TULP4: variants seen among roughly 807,000 people sequenced by gnomAD.
The protein encoded by TULP4 is TUB like protein 4.
Under a neutral mutation model 129.0 loss-of-function variants are expected in TULP4, and 16 were observed. That is an observed-to-expected ratio of 0.12 (90% confidence interval 0.08 to 0.19). TULP4 has a LOEUF of 0.19. TULP4 is among the 10% of genes least tolerant of loss of function. TULP4 has a pLI of 1.00. For missense variants in TULP4, 1,842 were observed against 2,059.1 expected (o/e 0.89, Z 2.04); for synonymous variants, 998 against 854.0 (o/e 1.17, Z -2.94).
intron 7 of TULP4, 98 bp from the exon 8 acceptor site, chr6:158,480,954 CAGT>C: frequency 9.7e-7 from 1 of 1,035,482 alleles, no homozygotes; most frequent in Non-Finnish European, 1.4e-6. Context: ...CTGTCTGGAA[CAGT>C]AGCGTTTTTA....
chr6:158,406,359 G>A (rs1463461729), intron 1 of TULP4, among the ~76,000 whole-genome samples: 1 of 151,976 alleles, frequency 6.6e-6, no homozygotes, highest in Non-Finnish European at 1.5e-5. Context: ...ATACACCAAG[G>A]GTATTTAGTT....
chr6:158,423,144 CT>C (rs1778392473), intron 2 of TULP4, among the ~76,000 whole-genome samples: 1 of 150,104 alleles, frequency 6.7e-6, no homozygotes, highest in African/African-American at 2.4e-5. Flanking sequence ...GGAAAGAAAC[CT>C]TCCCAGGACC....
chr6:158,365,977 A>G (rs1464564129), intron 1 of TULP4, among the ~76,000 whole-genome samples: 3 of 122,842 alleles, frequency 2.4e-5, no homozygotes, highest in African/African-American at 9.7e-5. Context: ...ATCTCGGCTC[A>G]CTGCAAGCTG....
chr6:158,489,785 G>C, intron 9 of TULP4, 53 bp downstream of exon 9: 3 of 1,603,500 alleles, frequency 1.9e-6, no homozygotes, highest in Non-Finnish European at 1.7e-6. Flanking sequence ...GAATATGTGT[G>C]TTTGTGCCTG....
intron 1 of TULP4, among the ~76,000 whole-genome samples, chr6:158,399,858 C>T (rs905094783): frequency 1.3e-5 from 2 of 152,174 alleles, no homozygotes; most frequent in African/African-American, 4.8e-5. Context: ...CTTTAGCATT[C>T]ATGTGGATTT....
In TULP4 at chr6:158,390,751, A is replaced by G. The variant is rs190340299; in HGVS notation, c.253-22314A>G. Among the ~76,000 whole-genome samples the G allele has an allele frequency of 3.4e-3, 523 of 152,344 alleles. 3 individuals are homozygous for G. The highest frequency in any genetic ancestry group is 4.4e-3 in the Admixed American group (67 of 15,302). On this transcript the variant is annotated intron_variant, in intron 1 of 13. Transcript: ENST00000367097. ...CATGGAAATTGAAGTCTCAAGAACAAAGAATTTTACTCAATGAACATATTT... is the reference window on the plus strand; with the variant it reads ...CATGGAAATTGAAGTCTCAAGAACAGAGAATTTTACTCAATGAACATATTT...
intron 1 of TULP4, among the ~76,000 whole-genome samples, chr6:158,364,839 C>A (rs1780887877): frequency 6.6e-6 from 1 of 152,126 alleles, no homozygotes; most frequent in African/African-American, 2.4e-5. Context: ...CAGGTTGACG[C>A]CATTCTCCTG....
intron 12 of TULP4, among the ~76,000 whole-genome samples, chr6:158,499,459 A>G (rs547465050): frequency 6.6e-6 from 1 of 152,376 alleles, no homozygotes; most frequent in Admixed American, 6.5e-5. Context: ...TGTGTTTCCC[A>G]GTGGGGGGAT....
intron 1 of TULP4, among the ~76,000 whole-genome samples, chr6:158,306,402 C>G (rs866095517): frequency 6.6e-6 from 1 of 152,268 alleles, no homozygotes; most frequent in African/African-American, 2.4e-5. Flanking sequence ...TCAAAAAGTA[C>G]AAAAAGTTAG....
At chr6:158,279,078 T>TGC (rs142397415), upstream of TULP4, among the ~76,000 whole-genome samples, 1 of 150,010 alleles carries the variant, frequency 6.7e-6, no homozygotes, top group Admixed American at 6.6e-5. Context: ...TAGCTGGGAC[T>TGC]AGGCGCCTGC....
At chr6:158,453,604 C>T (rs185111815) in intron 5 of TULP4, among the ~76,000 whole-genome samples, 232 of 150,396 alleles carry the variant, frequency 1.5e-3, no homozygotes, top group African/African-American at 5.2e-3. Context: ...GCCTGGCCAA[C>T]ATCGTGAAAC....
At chr6:158,431,312 A>C (rs945820511) in intron 3 of TULP4, among the ~76,000 whole-genome samples, 3 of 152,170 alleles carry the variant, frequency 2.0e-5, no homozygotes, top group Non-Finnish European at 4.4e-5. Flanking sequence ...TTAATGATCA[A>C]ATGAAGGAAC....
chr6:158,471,372 T>C (rs977757110), intron 6 of TULP4, among the ~76,000 whole-genome samples: 1 of 152,172 alleles, frequency 6.6e-6, no homozygotes, highest in Non-Finnish European at 1.5e-5. Context: ...AATTAGGAAC[T>C]GGAAAGGTGA....
At chr6:158,466,016 G>T (rs1394115961) in intron 6 of TULP4, among the ~76,000 whole-genome samples, 13 of 152,210 alleles carry the variant, frequency 8.5e-5, no homozygotes, top group Admixed American at 8.5e-4. Flanking sequence ...TGGCCTGTAG[G>T]CATGGCTCAA....
intron 1 of TULP4, among the ~76,000 whole-genome samples, chr6:158,352,798 GA>G (rs1344240238): frequency 1.3e-5 from 2 of 151,944 alleles, no homozygotes; most frequent in African/African-American, 4.8e-5. Context: ...TTAAATATTG[GA>G]AAAAACCTTT....
At chr6:158,257,798 G>C (rs1778276629) in intron 1 of TULP4, among the ~76,000 whole-genome samples, 1 of 152,220 alleles carries the variant, frequency 6.6e-6, no homozygotes, top group African/African-American at 2.4e-5. Flanking sequence ...TACTCTCAAA[G>C]CAGCGGTACG....
intron 1 of TULP4, among the ~76,000 whole-genome samples, chr6:158,360,096 C>T (rs2114831910): frequency 6.7e-6 from 1 of 149,498 alleles, no homozygotes; most frequent in South Asian, 2.1e-4. Flanking sequence ...TTTTATGCCT[C>T]CAAAAAAAAA....
At chr6:158,249,940 A>G (rs1052521116) in intron 1 of TULP4, among the ~76,000 whole-genome samples, 1 of 152,192 alleles carries the variant, frequency 6.6e-6, no homozygotes, top group Non-Finnish European at 1.5e-5. Flanking sequence ...TTGATAGAGT[A>G]ATATTAAGTA....
At chr6:158,498,090 A>G (rs756021318) in intron 11 of TULP4, among the ~76,000 whole-genome samples, 1 of 152,250 alleles carries the variant, frequency 6.6e-6, no homozygotes, top group African/African-American at 2.4e-5. Flanking sequence ...TAAAAAAACA[A>G]CTGTGTGGAA....
Sources: gnomAD v4.1 joint callset for allele counts (sites outside exome capture counted in the v4.1 genomes callset) on GRCh38, gnomAD v4.1.1 for gene constraint, MANE v1.5 for transcripts, NCBI Gene and HGNC (gene_info 2026-07-23, HGNC 2026-07-21) for gene names.